The following ULK4 variants were observed in gnomAD, a reference collection of about 807,000 sequenced individuals.
ULK4 encodes inactive serine/threonine-protein kinase ULK4.
Under a neutral mutation model 160.6 loss-of-function variants are expected in ULK4, and 133 were observed. That is an observed-to-expected ratio of 0.83 (90% CI 0.72 to 0.96). The LOEUF is 0.96. Among genes scored for constraint, ULK4 ranks in the 40% least tolerant of loss-of-function variants. The probability of loss-of-function intolerance (pLI) is 0.00; values close to 1 mark genes in which losing one functional copy is unlikely to be tolerated. For synonymous variants in ULK4, 534 were observed against 539.8 expected, an observed-to-expected ratio of 0.99 and a Z score of 0.15; for missense variants, 1,580 against 1,499.5, an observed-to-expected ratio of 1.05 and a Z score of -0.89.
intron 2 of ULK4, among the ~76,000 whole-genome samples, chr3:41,952,375 G>A (rs1397110813): frequency 6.6e-6 from 1 of 152,166 alleles, no homozygotes. Context: ...AACCAGATTA[G>A]AGAATGGGCA....
At chr3:41,442,489 G>T (rs150391191) in intron 34 of ULK4, among the ~76,000 whole-genome samples, 254 of 152,158 alleles carry the variant, frequency 1.7e-3, no homozygotes, top group Non-Finnish European at 3.0e-3. Context: ...GGTATTAAAG[G>T]ACCACAAAAA....
At chr3:41,366,132 C>T (rs1245752139) in intron 35 of ULK4, among the ~76,000 whole-genome samples, 1 of 152,190 alleles carries the variant, frequency 6.6e-6, no homozygotes, top group African/African-American at 2.4e-5. Flanking sequence ...GCAAGTAGCA[C>T]TCCAGGTGTT....
intron 30 of ULK4, among the ~76,000 whole-genome samples, chr3:41,638,848 A>G (rs556459540): frequency 4.6e-4 from 70 of 152,334 alleles, no homozygotes; most frequent in African/African-American, 1.6e-3. Flanking sequence ...ACTTTGTTCT[A>G]CTTAGTAGAC....
chr3:41,620,438 C>T (rs1319669832), intron 30 of ULK4, among the ~76,000 whole-genome samples: 2 of 152,160 alleles, frequency 1.3e-5, no homozygotes, highest in African/African-American at 4.8e-5. Flanking sequence ...TGGCTTCATC[C>T]CTGGGATGCA....
chr3:41,608,278 TC>T (rs2032485706), intron 31 of ULK4, among the ~76,000 whole-genome samples: 12 of 151,820 alleles, frequency 7.9e-5, no homozygotes, highest in Admixed American at 7.2e-4. Context: ...GCACATAAAT[TC>T]TTCTTTTTCT....
intron 35 of ULK4, among the ~76,000 whole-genome samples, chr3:41,262,340 G>T (rs1385239188): frequency 3.9e-5 from 6 of 152,170 alleles, no homozygotes; most frequent in African/African-American, 1.2e-4. Flanking sequence ...CTCTCAAACT[G>T]GGGTCAAAGT....
At chr3:41,328,991 C>T (rs951228533) in intron 35 of ULK4, among the ~76,000 whole-genome samples, 3 of 151,576 alleles carry the variant, frequency 2.0e-5, no homozygotes, top group Non-Finnish European at 2.9e-5. Flanking sequence ...TCTCATTCAC[C>T]ACCACAATCA....
chr3:41,422,515 G>A (rs911272036), intron 34 of ULK4, among the ~76,000 whole-genome samples: 3 of 152,010 alleles, frequency 2.0e-5, no homozygotes, highest in African/African-American at 7.2e-5. Context: ...ATACTTTTCT[G>A]TAAAATCATC....
intron 34 of ULK4, among the ~76,000 whole-genome samples, chr3:41,426,357 A>G (rs2082775121): frequency 6.6e-6 from 1 of 152,172 alleles, no homozygotes; most frequent in African/African-American, 2.4e-5. Context: ...TCAGTACTAC[A>G]CAGATAGAGA....
chr3:41,681,073 C>A (rs1275469172), intron 29 of ULK4, among the ~76,000 whole-genome samples: 1 of 152,134 alleles, frequency 6.6e-6, no homozygotes, highest in African/African-American at 2.4e-5. Flanking sequence ...TGAGAAAGTC[C>A]TGCTCAGAAC....
intron 17 of ULK4, among the ~76,000 whole-genome samples, chr3:41,841,900 G>A (rs1436986036): frequency 6.6e-6 from 1 of 152,060 alleles, no homozygotes; most frequent in Non-Finnish European, 1.5e-5. Context: ...GATTAAGGGT[G>A]GTGCAAGATA....
chr3:41,691,943 CTTTTTTTTTT>C (rs751734628), intron 27 of ULK4, among the ~76,000 whole-genome samples: 12 of 96,352 alleles, frequency 1.2e-4, no homozygotes, highest in Non-Finnish European at 1.7e-4. Flanking sequence ...CAAATCACTT[CTTTTTTTTTT>C]TTTTTTTTTT....
intron 31 of ULK4, among the ~76,000 whole-genome samples, chr3:41,572,871 T>A (rs2088049886): frequency 6.6e-6 from 1 of 151,764 alleles, no homozygotes; most frequent in Non-Finnish European, 1.5e-5. Flanking sequence ...AAATACGTAC[T>A]AGGGCCACTA....
At chr3:41,933,725 G>A (rs1283720738) in intron 4 of ULK4, among the ~76,000 whole-genome samples, 2 of 150,956 alleles carry the variant, frequency 1.3e-5, no homozygotes, top group African/African-American at 2.4e-5. Context: ...TCTGAAAACT[G>A]CCACACACAA....
intron 20 of ULK4, among the ~76,000 whole-genome samples, chr3:41,799,557 T>C (rs1483071830): frequency 2.6e-5 from 4 of 152,168 alleles, no homozygotes; most frequent in South Asian, 2.1e-4. Context: ...AGTTTTCTAC[T>C]ATCGCCTCTA....
At chr3:41,935,221 T>TA (rs1559660938) in intron 4 of ULK4, among the ~76,000 whole-genome samples, 2 of 3,738 alleles carry the variant, frequency 5.4e-4, no homozygotes, top group African/African-American at 6.0e-4. Context: ...TTTTTTTTTT[T>TA]TTTTTTTTTT....
At position 41,807,452 on chromosome 3, in the gene ULK4, G is replaced by A. The variant is rs77094108; in HGVS notation, c.1849-7159C>T. Among the ~76,000 whole-genome samples, 1,216 of 152,144 alleles carry A rather than the reference G, an allele frequency of 8.0e-3. 45 individuals are homozygous for A. In the East Asian group the frequency reaches 0.12, roughly 16 times the overall value. ...TTCATATAAAAACGTTTACAAATGC[G>A]CAGAAGATATTGAGTAATGTCTAAG... On this transcript the variant is annotated intron_variant, in intron 19 of 36. Coordinates refer to ENST00000301831, the MANE Select transcript of ULK4 (RefSeq NM_017886.4).
chr3:41,800,390 T>G (rs1214890666), intron 19 of ULK4, 97 bp from the exon 20 acceptor site: 21 of 1,241,652 alleles, frequency 1.7e-5, no homozygotes, highest in Non-Finnish European at 2.3e-5. Context: ...ACCAAGACAG[T>G]AACATGCCTC....
chr3:41,390,825 G>T (rs925386768), intron 35 of ULK4, among the ~76,000 whole-genome samples: 2 of 152,150 alleles, frequency 1.3e-5, no homozygotes, highest in South Asian at 4.1e-4. Flanking sequence ...GTGTGGTGCT[G>T]AGAAGAATGT....
Sources: gnomAD v4.1 joint callset for allele counts (sites outside exome capture counted in the v4.1 genomes callset) on GRCh38, gnomAD v4.1.1 for gene constraint, MANE v1.5 for transcripts, NCBI Gene and HGNC (gene_info 2026-07-23, HGNC 2026-07-21) for gene names.